The following CLSPN variants were observed in gnomAD, a reference collection of about 807,000 sequenced individuals.
CLSPN encodes the protein claspin homolog.
In CLSPN, 85 loss-of-function variants were observed where a neutral mutation model predicts 156.3. That is an observed-to-expected ratio of 0.54 (90% CI 0.46 to 0.65). CLSPN has a LOEUF of 0.65. Among genes scored for constraint, CLSPN ranks in the 30% least tolerant of loss-of-function variants. The pLI, the probability that CLSPN is intolerant of heterozygous loss-of-function variation, is 0.00. For missense variants in CLSPN, 1,407 were observed against 1,554.9 expected, an observed-to-expected ratio of 0.90 and a Z score of 1.60; for synonymous variants, 534 against 542.4, an observed-to-expected ratio of 0.98 and a Z score of 0.22.
intron 4 of CLSPN, among the ~76,000 whole-genome samples, chr1:35,762,780 G>A (rs1204374305): frequency 1.3e-5 from 2 of 152,024 alleles, no homozygotes; most frequent in African/African-American, 4.8e-5. Flanking sequence ...AAACACTCGG[G>A]ACAACAATGT....
intron 9 of CLSPN, among the ~76,000 whole-genome samples, chr1:35,752,582 GAAAA>G (rs58271996): frequency 5.9e-5 from 4 of 67,882 alleles, no homozygotes; most frequent in Non-Finnish European, 8.8e-5. Flanking sequence ...TGTCTTAGAG[GAAAA>G]AAAAAAAAAA....
intron 24 of CLSPN, chr1:35,721,004 G>A (rs755674622): frequency 3.3e-5 from 50 of 1,519,924 alleles, no homozygotes; most frequent in Non-Finnish European, 4.3e-5. Flanking sequence ...AAAGGAAGAC[G>A]AGGCAGGGAA....
intron 8 of CLSPN, among the ~76,000 whole-genome samples, chr1:35,758,649 CA>C (rs201947113): frequency 2.6e-4 from 36 of 140,364 alleles, no homozygotes; most frequent in African/African-American, 3.7e-4. Flanking sequence ...AAGCCCGTCT[CA>C]AAAAAAAAAA....
chr1:35,744,239 G>C (rs1641796288), intron 16 of CLSPN, among the ~76,000 whole-genome samples: 1 of 152,130 alleles, frequency 6.6e-6, no homozygotes, highest in South Asian at 2.1e-4. Flanking sequence ...TACAGTATTT[G>C]TCTTTTGGTG....
intron 16 of CLSPN, among the ~76,000 whole-genome samples, chr1:35,743,770 C>G (rs1641780227): frequency 6.6e-6 from 1 of 152,068 alleles, no homozygotes. Flanking sequence ...ACTAGAGATA[C>G]AAGCCACCAT....
chr1:35,748,318 G>A, intron 13 of CLSPN, 87 bp downstream of exon 13: 1 of 1,254,706 alleles, frequency 8.0e-7, no homozygotes, highest in South Asian at 1.2e-5. Context: ...TACCAACGTG[G>A]TGGGAGTTGG....
chr1:35,730,830 C>G (rs940107084), downstream of CLSPN, among the ~76,000 whole-genome samples: 49 of 151,486 alleles, frequency 3.2e-4, no homozygotes, highest in Non-Finnish European at 1.8e-4. Context: ...ACTGCACTCA[C>G]TCCAGCCGGG....
At chr1:35,739,065 T>G (rs996037974) in intron 20 of CLSPN, 71 bp downstream of exon 20, 3 of 1,575,388 alleles carry the variant, frequency 1.9e-6, no homozygotes, top group African/African-American at 2.7e-5. Context: ...TCCCAAAGTG[T>G]TGGGATTACA....
At chr1:35,723,890 C>CTGAG (rs1209541875) in intron 24 of CLSPN, among the ~76,000 whole-genome samples, 1 of 152,170 alleles carries the variant, frequency 6.6e-6, no homozygotes, top group African/African-American at 2.4e-5. Flanking sequence ...ACTTGGGAGG[C>CTGAG]TGAGGCACGA....
rs1056548438 is a variant in CLSPN at position 35,769,228 on chromosome 1, C to T, written c.24+619G>A. Among the ~76,000 whole-genome samples the T allele has an allele frequency of 8.5e-5, 13 of 152,186 alleles. 1 individual carries two copies. The highest frequency in any genetic ancestry group is 3.3e-4 in the Admixed American group (5 of 15,276). On this transcript the variant is annotated intron_variant, in intron 1 of 24. Coordinates refer to ENST00000318121, the MANE Select transcript of CLSPN (RefSeq NM_022111.4). ...TTGCTCCTAAGGCGGGAGTGCCTTGCCCGAATCCGGCCCAGAAAGGACACA... is the reference window on the plus strand; with the variant it reads ...TTGCTCCTAAGGCGGGAGTGCCTTGTCCGAATCCGGCCCAGAAAGGACACA...
chr1:35,738,947 C>T lies in CLSPN; in HGVS notation c.3430+189G>A, dbSNP rs994310416. The stretch of plus-strand genomic sequence containing the variant: ...TCCTGAGTAGCTGGGATTACAGGCG[C>T]GTGCCATCACAGCCTGCTAATTTTT... On this transcript the variant is annotated intron_variant, in intron 20 of 24. Coordinates refer to ENST00000318121, the MANE Select transcript of CLSPN (RefSeq NM_022111.4). Among the ~76,000 whole-genome samples the T allele has an allele frequency of 3.3e-5, 5 of 152,080 alleles. No homozygotes were observed. In the East Asian group the frequency reaches 5.8e-4, roughly 18 times the overall value.
At chr1:35,739,068 G>C in intron 20 of CLSPN, 68 bp downstream of exon 20, 1 of 1,584,902 alleles carries the variant, frequency 6.3e-7, no homozygotes, top group Non-Finnish European at 8.6e-7. Context: ...CAAAGTGTTG[G>C]GATTACAGGC....
At position 35,746,267 on chromosome 1, in the gene CLSPN, T is replaced by A. The variant is rs1420340813; in HGVS notation, c.2854+499A>T. Among the ~76,000 whole-genome samples, 1 of 152,210 alleles carries A rather than the reference T, an allele frequency of 6.6e-6. No individual in the cohort carries two copies. Among genetic ancestry groups the A allele is most frequent in the Non-Finnish European group, 1.5e-5 (1 of 68,034 alleles). ...GCCTAAAGTAGTCTTAAGTTGATACTTTACCACTCTAAGAAAGTAAGAGTT... is the reference window on the plus strand; with the variant it reads ...GCCTAAAGTAGTCTTAAGTTGATACATTACCACTCTAAGAAAGTAAGAGTT... On this transcript the variant is annotated intron_variant, in intron 15 of 24. Coordinates refer to ENST00000318121, the MANE Select transcript of CLSPN (RefSeq NM_022111.4). The surrounding 1 kb of genome is among the most constrained non-coding windows in gnomAD (Gnocchi z 4.2).
downstream of CLSPN, among the ~76,000 whole-genome samples, chr1:35,729,604 C>T (rs753887624): frequency 7.4e-4 from 112 of 152,146 alleles, no homozygotes; most frequent in African/African-American, 2.4e-3. Flanking sequence ...TCTGAGGTGA[C>T]ACCAGCCATA....
At chr1:35,740,903 C>T (rs939271865) in intron 18 of CLSPN, among the ~76,000 whole-genome samples, 4 of 152,078 alleles carry the variant, frequency 2.6e-5, no homozygotes, top group Non-Finnish European at 4.4e-5. Flanking sequence ...AGAACCACTA[C>T]CTTAGAAAAA....
At chr1:35,722,998 T>C (rs1641109571) in intron 24 of CLSPN, among the ~76,000 whole-genome samples, 1 of 152,078 alleles carries the variant, frequency 6.6e-6, no homozygotes. Context: ...ATTAATACAG[T>C]CAGTGCTCAC....
chr1:35,739,232 G>A lies in CLSPN; in HGVS notation c.3334C>T (p.Arg1112Ter). 2 of 1,614,114 alleles carry A rather than the reference G, an allele frequency of 1.2e-6. No individual in the cohort carries two copies. The highest frequency in any genetic ancestry group is 1.3e-5 in the African/African-American group (1 of 75,012). Residue 1112 changes from arginine to a stop codon, truncating the protein, a stop_gained, in exon 20 of 25, where the codon CGA (arginine) becomes TGA (stop). Transcript: ENST00000318121. LOFTEE classifies it high-confidence loss of function. ...CTCTCTTGGTATAAACGTAGCTGTC[G>A]CTTATCATCATCCAACATAGTTTTC... is the stretch of plus-strand genomic sequence containing the variant. The part of the protein sequence containing the change: ...HMKTMLDDDK[R>*]QLRLYQERYL...
Position 35,763,160 on chromosome 1 carries a change from C to A in CLSPN, c.744G>T (p.Lys248Asn). ...CTTATTGCAATCATGCTTTACTTGCCTTGTGCTTTTTTACTTTGTTTTTTA... is the reference window on the plus strand; with the variant it reads ...CTTATTGCAATCATGCTTTACTTGCATTGTGCTTTTTTACTTTGTTTTTTA... ...AAVKNKVKKHKKKEPSLESGV... is the reference protein window; with the variant it reads ...AAVKNKVKKHNKKEPSLESGV... Residue 248 changes from lysine to asparagine, a missense_variant and splice_region_variant, in exon 4 of 25, where the codon AAG (lysine) becomes AAT (asparagine). Around this residue, in one of 3 missense-constraint regions of CLSPN, gnomAD observed 1,096 missense variants for 1,193.0 expected, o/e 0.92. Coordinates refer to ENST00000318121, the MANE Select transcript of CLSPN (RefSeq NM_022111.4). 6.4e-7 allele frequency: 1 copy of A among 1,557,174 alleles called. No homozygotes were observed. Among genetic ancestry groups the A allele is most frequent in the Non-Finnish European group, 8.6e-7 (1 of 1,156,204 alleles).
At chr1:35,752,291 G>A (rs1426013871) in intron 9 of CLSPN, among the ~76,000 whole-genome samples, 1 of 152,000 alleles carries the variant, frequency 6.6e-6, no homozygotes, top group African/African-American at 2.4e-5. Flanking sequence ...TTTAAAAAAA[G>A]CCTCAAGGCC....
Sources: allele counts gnomAD v4.1 joint callset (sites outside exome capture counted in the v4.1 genomes callset), GRCh38; gene constraint gnomAD v4.1.1; regional missense constraint gnomAD v4.1.1; non-coding constraint Gnocchi (gnomAD v3.1); transcripts MANE v1.5; gene names NCBI Gene and HGNC (gene_info 2026-07-23, HGNC 2026-07-21).